Variants in SUMF1 observed in about 807,000 individuals in gnomAD.
SUMF1 encodes formylglycine-generating enzyme.
SUMF1 carries 48 observed loss-of-function variants against 47.6 expected under a neutral mutation model. That is an observed-to-expected ratio of 1.01 (90% confidence interval 0.80 to 1.28). The LOEUF (loss-of-function observed/expected upper bound fraction) is 1.28, where lower values mean the gene tolerates loss of function less well. SUMF1 is among the 50% of genes most tolerant of loss of function. The pLI, the probability that SUMF1 is intolerant of heterozygous loss-of-function variation, is 0.00. For missense variants in SUMF1, 571 were observed against 485.4 expected, an observed-to-expected ratio of 1.18 and a Z score of -1.66; for synonymous variants, 230 against 192.1, an observed-to-expected ratio of 1.20 and a Z score of -1.63.
At chr3:4,066,518 G>A (rs751135663) in intron 9 of SUMF1, among the ~76,000 whole-genome samples, 9 of 152,038 alleles carry the variant, frequency 5.9e-5, no homozygotes, top group East Asian at 5.8e-4. Context: ...TCAGGAAATC[G>A]ACCCTCAGGC....
intron 8 of SUMF1, among the ~76,000 whole-genome samples, chr3:4,073,379 A>C (rs1692333198): frequency 6.6e-6 from 1 of 152,160 alleles, no homozygotes; most frequent in African/African-American, 2.4e-5. Flanking sequence ...CACTGCAAAA[A>C]CATGCCAAAC....
At position 4,467,100 on chromosome 3, in the gene SUMF1, G is replaced by C. The variant is rs374724319; in HGVS notation, c.146C>G (p.Ser49Cys). 1 of 1,562,452 alleles carries C rather than the reference G, an allele frequency of 6.4e-7. No individual in the cohort carries two copies. Among genetic ancestry groups the C allele is most frequent in the Non-Finnish European group, 8.7e-7 (1 of 1,154,746 alleles). ...CCGCTGGGGCGTGCCGCAGCCGCAA[G>C]AACCCGCAAGGGACCCCGCGCCCGC... ...TGAGAGSLAGSCGCGTPQRPG... is the reference protein window; with the variant it reads ...TGAGAGSLAGCCGCGTPQRPG... Residue 49 changes from serine (S) to cysteine (C), a missense_variant, in exon 1 of 9, where the codon TCT becomes TGT. Ser to Cys is a moderately radical substitution (Grantham distance 112). Coordinates refer to ENST00000272902, the MANE Select transcript of SUMF1 (RefSeq NM_182760.4).
intron 8 of SUMF1, among the ~76,000 whole-genome samples, chr3:4,165,841 C>T (rs1013393351): frequency 1.5e-5 from 2 of 137,720 alleles, no homozygotes; most frequent in East Asian, 2.2e-4. Context: ...AAAAAATGCC[C>T]GTGGTTTTGA....
intron 8 of SUMF1, among the ~76,000 whole-genome samples, chr3:4,165,736 T>TC (rs1224464649): frequency 6.6e-6 from 1 of 152,064 alleles, no homozygotes; most frequent in Non-Finnish European, 1.5e-5. Flanking sequence ...ATGAGCCACT[T>TC]CTTTTTCAAA....
At chr3:4,303,739 G>C (rs768844888) in intron 8 of SUMF1, 1 of 1,493,000 alleles carries the variant, frequency 6.7e-7, no homozygotes, top group Non-Finnish European at 9.0e-7. Flanking sequence ...GTCCTTTTCA[G>C]TCCATTCCCT....
chr3:4,357,273 CTA>C (rs1699640003), downstream of SUMF1, among the ~76,000 whole-genome samples: 1 of 149,902 alleles, frequency 6.7e-6, no homozygotes, highest in African/African-American at 2.4e-5. Context: ...ACAGAAAGCA[CTA>C]TGTTTACGGT....
chr3:4,410,949 G>A lies in SUMF1; in HGVS notation c.870C>T (p.Gly290=). Residue 290 remains glycine, a synonymous_variant, in exon 7 of 9, where the codon GGC becomes GGT. Coordinates refer to ENST00000272902, the MANE Select transcript of SUMF1 (RefSeq NM_182760.4). ...PVDAFPPNGY[G]LYNIVGNAWE... ...ATGCGTTCCCCACTATGTTGTATAA[G>A]CCATAACCATTGGGAGGGAAGGCAT... 1 of 1,614,058 alleles carries A rather than the reference G, an allele frequency of 6.2e-7. No homozygotes were observed. Among genetic ancestry groups the A allele is most frequent in the Non-Finnish European group, 8.5e-7 (1 of 1,179,938 alleles).
intron 8 of SUMF1, among the ~76,000 whole-genome samples, chr3:4,312,254 A>G (rs1698435518): frequency 6.6e-6 from 1 of 152,178 alleles, no homozygotes; most frequent in Non-Finnish European, 1.5e-5. Context: ...CATGTATATT[A>G]TCAGGTAAAG....
intron 8 of SUMF1, among the ~76,000 whole-genome samples, chr3:4,190,680 A>G (rs1343760926): frequency 6.6e-6 from 1 of 152,190 alleles, no homozygotes; most frequent in African/African-American, 2.4e-5. Flanking sequence ...TCCCAAGGTC[A>G]CATAGACTAT....
chr3:4,353,548 G>A (rs1303400268), intron 8 of SUMF1, among the ~76,000 whole-genome samples: 10 of 152,092 alleles, frequency 6.6e-5, no homozygotes, highest in South Asian at 2.1e-4. Flanking sequence ...CACTGCGCCC[G>A]GCCTAATTTT....
chr3:4,390,329 T>C (rs999562527), intron 7 of SUMF1, among the ~76,000 whole-genome samples: 5 of 152,188 alleles, frequency 3.3e-5, no homozygotes, highest in African/African-American at 1.2e-4. Context: ...CTAGGCCTTC[T>C]CTGGCACCTA....
chr3:4,431,116 C>T (rs1231566723), intron 3 of SUMF1, among the ~76,000 whole-genome samples: 1 of 152,066 alleles, frequency 6.6e-6, no homozygotes, highest in African/African-American at 2.4e-5. Flanking sequence ...CAGATTTATA[C>T]CTGTTGATAG....
At chr3:4,363,578 C>A (rs1245190574) in intron 8 of SUMF1, among the ~76,000 whole-genome samples, 2 of 151,756 alleles carry the variant, frequency 1.3e-5, no homozygotes, top group Non-Finnish European at 2.9e-5. Flanking sequence ...GATTTCGTAT[C>A]CTGAGACGTT....
At chr3:4,400,121 C>A (rs1701163658) in intron 7 of SUMF1, among the ~76,000 whole-genome samples, 1 of 152,126 alleles carries the variant, frequency 6.6e-6, no homozygotes, top group Admixed American at 6.5e-5. Flanking sequence ...CCGACCCAAA[C>A]TGGGGGCCGA....
chr3:4,128,317 C>G (rs999799792), intron 8 of SUMF1, among the ~76,000 whole-genome samples: 1 of 152,118 alleles, frequency 6.6e-6, no homozygotes, highest in Non-Finnish European at 1.5e-5. Context: ...GGCCCTGAAA[C>G]TTGGAATGGG....
intron 8 of SUMF1, chr3:4,317,112 A>G: frequency 1.3e-6 from 2 of 1,545,618 alleles, no homozygotes; most frequent in Non-Finnish European, 1.7e-6. Flanking sequence ...ACGCTTCCAC[A>G]ACCAGCAGGA....
chr3:4,403,121 C>T (rs1316611436), intron 7 of SUMF1, among the ~76,000 whole-genome samples: 1 of 152,202 alleles, frequency 6.6e-6, no homozygotes, highest in Non-Finnish European at 1.5e-5. Context: ...TCCCATACTA[C>T]ACTCTCTCAC....
rs186684200 is a variant in SUMF1, at chr3:4,179,689, A to G, written c.1015-110944T>C. On this transcript the variant is annotated intron_variant and NMD_transcript_variant, in intron 8 of 12. Coordinates refer to the SUMF1 transcript ENST00000448413. ...AATGGCAACAAAAGCCAAAATTGAC[A>G]AATGGGATCTAATTAAACTAAAGAG... Among the ~76,000 whole-genome samples the G allele has an allele frequency of 2.2e-4, 33 of 152,334 alleles. No individual in the cohort carries two copies. In the East Asian group the frequency reaches 6.4e-3, roughly 29 times the overall value.
At chr3:4,268,848 AT>A (rs914016700) in intron 8 of SUMF1, among the ~76,000 whole-genome samples, 23 of 152,230 alleles carry the variant, frequency 1.5e-4, no homozygotes, top group East Asian at 9.6e-4. Flanking sequence ...CAGAAAAAAA[AT>A]ACCTTTAAAA....
Sources: allele counts gnomAD v4.1 joint callset (sites outside exome capture counted in the v4.1 genomes callset), GRCh38; gene constraint gnomAD v4.1.1; transcripts MANE v1.5; gene names NCBI Gene and HGNC (gene_info 2026-07-23, HGNC 2026-07-21).